NNT: variants seen among roughly 807,000 people sequenced by gnomAD.
The protein encoded by NNT is NAD(P) transhydrogenase, mitochondrial.
A neutral mutation model predicts 104.8 loss-of-function variants in NNT; 50 were observed. That is an observed-to-expected ratio of 0.48 (90% CI 0.38 to 0.60). The LOEUF (loss-of-function observed/expected upper bound fraction) is 0.60. NNT is among the 20% of genes least tolerant of loss of function. The pLI, the probability that NNT is intolerant of heterozygous loss-of-function variation, is 0.00. For missense variants in NNT, 1,131 were observed against 1,330.7 expected (o/e 0.85, Z 2.33); for synonymous variants, 461 against 490.4 (o/e 0.94, Z 0.79).
chr5:43,688,341 A>G (rs1003047115), intron 19 of NNT, among the ~76,000 whole-genome samples: 3 of 152,182 alleles, frequency 2.0e-5, no homozygotes, highest in African/African-American at 7.2e-5. Flanking sequence ...CACCAAGGAA[A>G]GAGGGAAGAC....
chr5:43,664,808 G>A (rs910536575), intron 17 of NNT, among the ~76,000 whole-genome samples: 4 of 152,202 alleles, frequency 2.6e-5, no homozygotes, highest in Non-Finnish European at 5.9e-5. Context: ...AGAATGTGAT[G>A]TTGCAATGGT....
intron 19 of NNT, among the ~76,000 whole-genome samples, chr5:43,691,877 A>T (rs1271783223): frequency 6.6e-6 from 1 of 152,226 alleles, no homozygotes; most frequent in Non-Finnish European, 1.5e-5. Context: ...TTTGGTTCAT[A>T]AAATAGAACA....
chr5:43,656,973 T>C (rs1740088025), intron 16 of NNT, among the ~76,000 whole-genome samples, 160 bp downstream of exon 16: 2 of 152,206 alleles, frequency 1.3e-5, no homozygotes, highest in African/African-American at 2.4e-5. Context: ...CTGGAAAACA[T>C]AGAAGAGTGT....
intron 4 of NNT, 90 bp downstream of exon 4, chr5:43,616,155 T>C (rs189853323): frequency 2.0e-4 from 208 of 1,056,780 alleles, no homozygotes; most frequent in Non-Finnish European, 2.5e-4. Context: ...AGTGATTTTA[T>C]TTGTAATTAT....
intron 21 of NNT, among the ~76,000 whole-genome samples, chr5:43,703,346 A>G (rs1343342745): frequency 6.6e-6 from 1 of 152,242 alleles, no homozygotes; most frequent in African/African-American, 2.4e-5. Context: ...CATTTAAAAA[A>G]TCATAACATA....
chr5:43,641,371 G>C (rs1199477002), intron 7 of NNT, among the ~76,000 whole-genome samples: 2 of 151,970 alleles, frequency 1.3e-5, no homozygotes, highest in African/African-American at 2.4e-5. Context: ...GTGCTTGAAG[G>C]CAGCTGCACT....
chr5:43,698,238 G>A (rs143472266), intron 19 of NNT, among the ~76,000 whole-genome samples: 41 of 150,980 alleles, frequency 2.7e-4, no homozygotes, highest in East Asian at 1.4e-3. Flanking sequence ...CTCAAATAAC[G>A]TCATTTTGTT....
Position 43,700,228 on chromosome 5 carries a change from G to A in NNT, c.2986G>A (p.Asp996Asn), listed in dbSNP as rs1002288070. The change falls in exon 20 of 22, where the codon GAT (aspartate) becomes AAT (asparagine). Residue 996 changes from aspartate (D) to asparagine (N), a missense_variant. Coordinates refer to ENST00000344920, the MANE Select transcript of NNT (RefSeq NM_182977.3). ...IVLEMDEINHDFPDTDLVLVI... is the reference protein window; with the variant it reads ...IVLEMDEINHNFPDTDLVLVI... Reference sequence around the variant, plus strand: ...GTTGGAAATGGATGAGATCAACCATGATTTTCCAGGTAAGTGGTGGGGGCA... The same window carrying A: ...GTTGGAAATGGATGAGATCAACCATAATTTTCCAGGTAAGTGGTGGGGGCA... 3 of 1,609,836 alleles carry A rather than the reference G, an allele frequency of 1.9e-6. No individual in the cohort carries two copies. The highest frequency in any genetic ancestry group is 1.7e-6 in the Non-Finnish European group (2 of 1,176,796).
chr5:43,681,021 G>A (rs1741680145), intron 19 of NNT, among the ~76,000 whole-genome samples: 1 of 152,000 alleles, frequency 6.6e-6, no homozygotes, highest in Non-Finnish European at 1.5e-5. Context: ...AGCACTTTGG[G>A]AGGCTGAGGC....
At chr5:43,694,632 A>G (rs896710895) in intron 19 of NNT, among the ~76,000 whole-genome samples, 13 of 152,012 alleles carry the variant, frequency 8.6e-5, no homozygotes, top group East Asian at 1.9e-4. Flanking sequence ...GATGAAGCCT[A>G]CTTGATTGTG....
intron 17 of NNT, among the ~76,000 whole-genome samples, chr5:43,671,765 G>T (rs1741107021): frequency 6.6e-6 from 1 of 151,922 alleles, no homozygotes; most frequent in Non-Finnish European, 1.5e-5. Context: ...ATGTGTCTTG[G>T]AGTTGCTCTT....
At chr5:43,692,182 TA>T (rs1287540491) in intron 19 of NNT, among the ~76,000 whole-genome samples, 3 of 148,228 alleles carry the variant, frequency 2.0e-5, no homozygotes, top group African/African-American at 5.2e-5. Flanking sequence ...AATAAAGCAT[TA>T]AAAGTTTTAA....
intron 19 of NNT, among the ~76,000 whole-genome samples, chr5:43,682,657 A>G (rs1437635424): frequency 6.6e-6 from 1 of 152,238 alleles, no homozygotes; most frequent in Non-Finnish European, 1.5e-5. Flanking sequence ...GAGAATAGAA[A>G]CTAGGCCAGT....
intron 5 of NNT, among the ~76,000 whole-genome samples, chr5:43,619,864 C>A (rs968785048): frequency 2.0e-5 from 3 of 152,134 alleles, no homozygotes; most frequent in African/African-American, 7.2e-5. Flanking sequence ...GGCCTAAAGG[C>A]TGCTTCAACT....
rs6889958 is a variant in NNT, at chr5:43,631,040, T to C, written c.964+2653T>C. Among the ~76,000 whole-genome samples, 500 of 152,278 alleles carry C rather than the reference T, an allele frequency of 3.3e-3. 1 individual carries two copies. The highest frequency in any genetic ancestry group is 0.012 in the African/African-American group (489 of 41,560). On this transcript the variant is annotated intron_variant, in intron 7 of 21. Transcript: ENST00000344920. ...TTGATTGGCATCAGATCTGTGAGCT[T>C]GTTGGGGAAAACAAGCCTTCCAAAT...
chr5:43,620,971 G>A (rs1750056263), intron 5 of NNT, among the ~76,000 whole-genome samples: 1 of 152,176 alleles, frequency 6.6e-6, no homozygotes, highest in African/African-American at 2.4e-5. Context: ...TTTAAAAGGT[G>A]GAAAAGTGAC....
intron 1 of NNT, among the ~76,000 whole-genome samples, chr5:43,608,326 T>A (rs1749332857): frequency 6.6e-6 from 1 of 152,136 alleles, no homozygotes; most frequent in African/African-American, 2.4e-5. Context: ...GGGGATCTAC[T>A]GAGGAATGTG....
chr5:43,700,083 C>A, intron 19 of NNT, 36 bp from the exon 20 acceptor site: 1 of 1,540,008 alleles, frequency 6.5e-7, no homozygotes, highest in South Asian at 1.1e-5. Context: ...TATGTCCTGT[C>A]AAGTAAGGCC....
At chr5:43,636,952 G>A (rs1223585858) in intron 7 of NNT, among the ~76,000 whole-genome samples, 1 of 152,062 alleles carries the variant, frequency 6.6e-6, no homozygotes, top group East Asian at 1.9e-4. Context: ...AAAATATGCT[G>A]TTGACTAATC....
Sources: gnomAD v4.1 joint callset for allele counts (sites outside exome capture counted in the v4.1 genomes callset) on GRCh38, gnomAD v4.1.1 for gene constraint, MANE v1.5 for transcripts, NCBI Gene and HGNC (gene_info 2026-07-23, HGNC 2026-07-21) for gene names.